Variants in PPA1 observed in about 807,000 individuals in gnomAD.
The protein encoded by PPA1 is inorganic pyrophosphatase 1.
A neutral mutation model predicts 41.8 loss-of-function variants in PPA1; 23 were observed. That is an observed-to-expected ratio of 0.55 (90% CI 0.40 to 0.78). The LOEUF (loss-of-function observed/expected upper bound fraction) is 0.78. Ranked by LOEUF, PPA1 falls within the 30% of genes least tolerant of loss-of-function variation. The pLI, the probability that PPA1 is intolerant of heterozygous loss-of-function variation, is 0.00. For missense variants in PPA1, 320 were observed against 361.6 expected (o/e 0.89, Z 0.93); for synonymous variants, 101 against 116.8 (o/e 0.86, Z 0.87).
intron 8 of PPA1, 130 bp from the exon 9 acceptor site, chr10:70,206,463 C>T (rs1839939908): frequency 1.5e-6 from 1 of 653,904 alleles, no homozygotes. Flanking sequence ...TTTTCACCTA[C>T]ATTTAACATT....
chr10:70,210,413 T>C lies in PPA1; in HGVS notation c.512-728A>G, dbSNP rs373981178. ...GCTATGTCAGAGGATCACAACACTA[T>C]TACATACTAAAAGATAAGAAAAATA... is the stretch of plus-strand genomic sequence containing the variant. On this transcript the variant is annotated intron_variant, in intron 6 of 10. Coordinates refer to ENST00000373232, the MANE Select transcript of PPA1 (RefSeq NM_021129.4). The C allele has an allele frequency of 2.9e-6, 4 of 1,364,654 alleles. No homozygotes were observed. The African/African-American group carries it at 5.9e-5, about 20-fold the overall frequency. 84.5% of individuals were successfully genotyped at this position (1,364,654 alleles called of 1,614,324 possible). A position where few individuals can be genotyped will look rare whatever the true frequency, so the allele number is the denominator to read the frequency against.
At chr10:70,217,079 C>T (rs1251385154) in intron 4 of PPA1, among the ~76,000 whole-genome samples, 1 of 151,870 alleles carries the variant, frequency 6.6e-6, no homozygotes, top group African/African-American at 2.4e-5. Context: ...TGGCGTGAAC[C>T]TGGGAGACGG....
intron 2 of PPA1, among the ~76,000 whole-genome samples, chr10:70,225,881 T>C (rs554448852): frequency 3.9e-5 from 6 of 152,196 alleles, no homozygotes; most frequent in Non-Finnish European, 7.4e-5. Context: ...TAGAAGGATA[T>C]ACTCTAAGTT....
At chr10:70,206,000 A>G (rs1839935239) in intron 9 of PPA1, 2 of 419,906 alleles carry the variant, frequency 4.8e-6, no homozygotes, top group African/African-American at 4.0e-5. Flanking sequence ...TACTTGGTAC[A>G]TTCTGGAACC....
intron 6 of PPA1, among the ~76,000 whole-genome samples, chr10:70,211,233 G>A (rs1840016269): frequency 6.6e-6 from 1 of 152,088 alleles, no homozygotes; most frequent in Non-Finnish European, 1.5e-5. Context: ...AAATAATTTG[G>A]AAATCCAGAA....
At chr10:70,214,303 A>AT (rs954633278) in intron 5 of PPA1, among the ~76,000 whole-genome samples, 197 bp downstream of exon 5, 5 of 152,168 alleles carry the variant, frequency 3.3e-5, no homozygotes, top group African/African-American at 1.2e-4. Flanking sequence ...ACATAGACAC[A>AT]TTTTTTTCCA....
chr10:70,232,543 C>T (rs1325981246), intron 1 of PPA1, among the ~76,000 whole-genome samples: 1 of 152,220 alleles, frequency 6.6e-6, no homozygotes, highest in Non-Finnish European at 1.5e-5. Context: ...ACCCCCTAGA[C>T]GCCGAATCCT....
chr10:70,225,403 C>T (rs1360469958), intron 2 of PPA1, among the ~76,000 whole-genome samples: 1 of 151,864 alleles, frequency 6.6e-6, no homozygotes, highest in Admixed American at 6.6e-5. Flanking sequence ...TTGGTAAAGA[C>T]CGGGTTTCAC....
intron 10 of PPA1, 118 bp downstream of exon 10, chr10:70,204,755 C>T: frequency 1.3e-6 from 1 of 781,094 alleles, no homozygotes; most frequent in Non-Finnish European, 2.0e-6. Context: ...TATATCAAAA[C>T]ATCACACTGT....
chr10:70,222,373 C>T (rs913151616), intron 2 of PPA1, among the ~76,000 whole-genome samples: 1 of 146,148 alleles, frequency 6.8e-6, no homozygotes, highest in African/African-American at 2.5e-5. Context: ...ATTAGCTGGG[C>T]GAAAAACAAC....
chr10:70,224,035 T>C, intron 2 of PPA1, among the ~76,000 whole-genome samples: 1 of 152,140 alleles, frequency 6.6e-6, no homozygotes, highest in East Asian at 1.9e-4. Flanking sequence ...AACTCAATAA[T>C]TACCTTGCTG....
intron 2 of PPA1, among the ~76,000 whole-genome samples, chr10:70,224,010 G>A (rs1192997677): frequency 6.6e-6 from 1 of 152,138 alleles, no homozygotes; most frequent in Non-Finnish European, 1.5e-5. Flanking sequence ...TCTCCCTAGA[G>A]GGATGATTTT....
chr10:70,215,056 G>A (rs1210028731), intron 4 of PPA1, among the ~76,000 whole-genome samples: 1 of 152,050 alleles, frequency 6.6e-6, no homozygotes, highest in Non-Finnish European at 1.5e-5. Flanking sequence ...TGAGCCAGGC[G>A]TGGTGGTGCA....
chr10:70,218,568 G>A, intron 3 of PPA1, 196 bp downstream of exon 3: 1 of 543,172 alleles, frequency 1.8e-6, no homozygotes, highest in South Asian at 2.5e-5. Context: ...AAAGTTTGGG[G>A]CATATTTGTA....
At chr10:70,209,163 G>T in intron 8 of PPA1, 42 bp downstream of exon 8, 4 of 1,378,604 alleles carry the variant, frequency 2.9e-6, no homozygotes, top group Non-Finnish European at 4.1e-6. Flanking sequence ...TCTGCAAGCT[G>T]GTCTGCTTTG....
At chr10:70,217,984 A>T in intron 3 of PPA1, 53 bp from the exon 4 acceptor site, 1 of 1,426,856 alleles carries the variant, frequency 7.0e-7, no homozygotes, top group South Asian at 1.4e-5. Flanking sequence ...AATACTATTC[A>T]AATAAGGATC....
chr10:70,223,069 G>A (rs762275235), intron 2 of PPA1, among the ~76,000 whole-genome samples: 89 of 152,240 alleles, frequency 5.8e-4, no homozygotes, highest in Non-Finnish European at 8.8e-4. Flanking sequence ...AGATGCTGTA[G>A]TAATACTTGT....
At chr10:70,231,459 T>A (rs1333010728) in intron 1 of PPA1, among the ~76,000 whole-genome samples, 1 of 152,080 alleles carries the variant, frequency 6.6e-6, no homozygotes, top group Non-Finnish European at 1.5e-5. Context: ...CCCAGCTACT[T>A]GGGAGGCTGA....
rs1840277947 is a variant in PPA1 at position 70,230,415 on chromosome 10, GAA to G, written c.65-18_65-17del. 1.3e-6 allele frequency: 2 copies of G among 1,593,802 alleles called. No individual in the cohort carries two copies. Among genetic ancestry groups the G allele is most frequent in the Non-Finnish European group, 1.7e-6 (2 of 1,166,726 alleles). ...TTCTCATTTTCTGCAAAATAAATTA[GAA>G]AAAGTTATTACTATAATTAATTGTA... On this transcript the variant is annotated splice_polypyrimidine_tract_variant and intron_variant, in intron 1 of 10. Coordinates refer to ENST00000373232, the MANE Select transcript of PPA1 (RefSeq NM_021129.4).
Sources: gnomAD v4.1 joint callset for allele counts (sites outside exome capture counted in the v4.1 genomes callset) on GRCh38, gnomAD v4.1.1 for gene constraint, MANE v1.5 for transcripts, NCBI Gene and HGNC (gene_info 2026-07-23, HGNC 2026-07-21) for gene names.